The following DOCK3 variants were observed in gnomAD, a reference collection of about 807,000 sequenced individuals.
DOCK3 encodes the protein dedicator of cytokinesis protein 3.
DOCK3 carries 60 observed loss-of-function variants against 265.6 expected under a neutral mutation model. The ratio of observed to expected loss-of-function variants is 0.23; its 90% CI spans 0.18 to 0.28. The LOEUF is 0.28. Ranked by LOEUF, DOCK3 falls within the 10% of genes least tolerant of loss-of-function variation. The pLI, the probability that DOCK3 is intolerant of heterozygous loss-of-function variation, is 1.00. For synonymous variants in DOCK3, 881 were observed against 938.0 expected, an observed-to-expected ratio of 0.94 and a Z score of 1.11; for missense variants, 1,981 against 2,594.3, an observed-to-expected ratio of 0.76 and a Z score of 5.14.
chr3:51,336,507 C>A (rs1221338066), intron 35 of DOCK3, among the ~76,000 whole-genome samples: 1 of 152,152 alleles, frequency 6.6e-6, no homozygotes, highest in African/African-American at 2.4e-5. Context: ...ATGTAGTCCC[C>A]AGCCAGCCCA....
chr3:50,912,745 A>G (rs1296097134), intron 4 of DOCK3, among the ~76,000 whole-genome samples: 1 of 151,756 alleles, frequency 6.6e-6, no homozygotes, highest in Non-Finnish European at 1.5e-5. Context: ...ACAGGCCCAC[A>G]GGGAGTACTG....
chr3:50,726,811 T>G (rs189038391), intron 1 of DOCK3, among the ~76,000 whole-genome samples: 1 of 152,292 alleles, frequency 6.6e-6, no homozygotes, highest in Admixed American at 6.5e-5. Flanking sequence ...TTTCCAGAGT[T>G]ACCACATTAT....
chr3:50,959,440 C>T (rs2076822184), intron 5 of DOCK3, among the ~76,000 whole-genome samples: 1 of 151,840 alleles, frequency 6.6e-6, no homozygotes, highest in East Asian at 1.9e-4. Flanking sequence ...GATCTCTACA[C>T]TTATTCTCCC....
At chr3:50,678,962 A>G (rs879531563) in intron 1 of DOCK3, among the ~76,000 whole-genome samples, 3 of 151,978 alleles carry the variant, frequency 2.0e-5, no homozygotes, top group Admixed American at 1.3e-4. Context: ...GGTGCCCGCC[A>G]CCATGCCCGG....
intron 1 of DOCK3, among the ~76,000 whole-genome samples, chr3:50,682,904 G>A (rs147915476): frequency 6.8e-4 from 103 of 152,348 alleles, no homozygotes; most frequent in African/African-American, 2.4e-3. Flanking sequence ...GCGCCATTGC[G>A]CTCCAGCCTG....
At chr3:50,774,714 T>C (rs1300763329) in intron 1 of DOCK3, among the ~76,000 whole-genome samples, 7 of 151,988 alleles carry the variant, frequency 4.6e-5, no homozygotes, top group Non-Finnish European at 7.4e-5. Context: ...TGGTCCTGCA[T>C]ACAGTGTTGA....
Position 51,211,165 on chromosome 3 carries a change from G to A in DOCK3, c.1126+2303G>A, listed in dbSNP as rs748111051. Among the ~76,000 whole-genome samples the A allele has an allele frequency of 2.6e-4, 40 of 152,208 alleles. No individual in the cohort carries two copies. In the Middle Eastern group the frequency reaches 0.01, roughly 39 times the overall value. ...AGCATTTCCACAAGGAGGGGTGGGG[G>A]AGGTAGGGCACAAGAACAGAGTCAA... is the stretch of plus-strand genomic sequence containing the variant. On this transcript the variant is annotated intron_variant, in intron 13 of 52. Transcript: ENST00000266037.
intron 21 of DOCK3, among the ~76,000 whole-genome samples, chr3:51,245,582 G>A (rs2078800814): frequency 6.6e-6 from 1 of 151,592 alleles, no homozygotes; most frequent in Non-Finnish European, 1.5e-5. Flanking sequence ...TAGTAGAGAT[G>A]GGGTTTCACT....
intron 9 of DOCK3, among the ~76,000 whole-genome samples, chr3:51,122,858 G>T (rs911921803): frequency 6.6e-6 from 1 of 152,220 alleles, no homozygotes; most frequent in South Asian, 2.1e-4. Context: ...TAGGGAGAAC[G>T]ATGCTGGGAC....
intron 25 of DOCK3, 41 bp downstream of exon 25, chr3:51,275,247 C>G: frequency 1.2e-6 from 2 of 1,611,490 alleles, no homozygotes; most frequent in Non-Finnish European, 8.5e-7. Context: ...CAGCTCTTCC[C>G]TAGTCTTGTG....
At chr3:50,777,282 T>C (rs897858452) in intron 1 of DOCK3, among the ~76,000 whole-genome samples, 2 of 152,204 alleles carry the variant, frequency 1.3e-5, no homozygotes, top group Non-Finnish European at 2.9e-5. Flanking sequence ...TTTTTTTCCA[T>C]TGGTCTAACT....
At chr3:51,356,371 C>A in intron 42 of DOCK3, 36 bp from the exon 43 acceptor site, 1 of 1,612,906 alleles carries the variant, frequency 6.2e-7, no homozygotes, top group East Asian at 2.2e-5. Context: ...GCAAAACTTG[C>A]CTAACTGCCC....
intron 6 of DOCK3, among the ~76,000 whole-genome samples, chr3:51,072,472 A>AT (rs1465550792): frequency 5.9e-5 from 9 of 151,350 alleles, no homozygotes; most frequent in Admixed American, 6.6e-5. Context: ...TGGTGGCATG[A>AT]TTTTTAGCTC....
chr3:51,090,542 GC>G (rs1020660676), intron 9 of DOCK3, among the ~76,000 whole-genome samples, 158 bp downstream of exon 9: 3 of 152,140 alleles, frequency 2.0e-5, no homozygotes, highest in Admixed American at 2.0e-4. Flanking sequence ...TTCCCTGTGT[GC>G]CCTTAAGTCA....
intron 3 of DOCK3, among the ~76,000 whole-genome samples, chr3:50,846,758 A>G (rs897693132): frequency 4.6e-5 from 7 of 152,070 alleles, no homozygotes; most frequent in African/African-American, 1.7e-4. Flanking sequence ...TCAGGAATTT[A>G]TCCATTTCCT....
At chr3:51,183,257 T>C (rs1356517446) in intron 12 of DOCK3, among the ~76,000 whole-genome samples, 1 of 152,250 alleles carries the variant, frequency 6.6e-6, no homozygotes, top group Non-Finnish European at 1.5e-5. Flanking sequence ...TTCATTTACT[T>C]ATTCATGGTT....
intron 38 of DOCK3, among the ~76,000 whole-genome samples, chr3:51,343,091 C>T (rs1388171206): frequency 1.3e-5 from 2 of 152,048 alleles, no homozygotes; most frequent in African/African-American, 4.8e-5. Flanking sequence ...AGAAGAAAAC[C>T]ATGGTTCTAG....
chr3:51,329,816 A>C (rs1439968640), intron 32 of DOCK3, among the ~76,000 whole-genome samples: 1 of 152,210 alleles, frequency 6.6e-6, no homozygotes, highest in South Asian at 2.1e-4. Flanking sequence ...GGGGAAAAAA[A>C]CATCTGAAAA....
chr3:50,734,606 T>TTTTG (rs1191077588), intron 1 of DOCK3, among the ~76,000 whole-genome samples: 2 of 140,382 alleles, frequency 1.4e-5, no homozygotes, highest in Non-Finnish European at 3.1e-5. Context: ...CAGTGAGTTT[T>TTTTG]TTTTTTTTTT....
Sources: allele counts gnomAD v4.1 joint callset (sites outside exome capture counted in the v4.1 genomes callset), GRCh38; gene constraint gnomAD v4.1.1; transcripts MANE v1.5; gene names NCBI Gene and HGNC (gene_info 2026-07-23, HGNC 2026-07-21).